TBL1XR1: variants seen among roughly 807,000 people sequenced by gnomAD.
TBL1XR1 encodes the protein F-box-like/WD repeat-containing protein TBL1XR1.
In TBL1XR1, 5 loss-of-function variants were observed where a neutral mutation model predicts 66.9. That is an observed-to-expected ratio of 0.07 (90% CI 0.04 to 0.16). TBL1XR1 has a LOEUF of 0.16. TBL1XR1 is among the 10% of genes least tolerant of loss of function. TBL1XR1 has a pLI of 1.00. For missense variants in TBL1XR1, 238 were observed against 623.2 expected (o/e 0.38, Z 6.58); for synonymous variants, 210 against 206.0 (o/e 1.02, Z -0.17).
intron 1 of TBL1XR1, among the ~76,000 whole-genome samples, chr3:177,183,362 A>C (rs1206931726): frequency 6.6e-6 from 1 of 152,146 alleles, no homozygotes; most frequent in African/African-American, 2.4e-5. Flanking sequence ...ATGTATACAT[A>C]CCCTGTGTTG....
chr3:177,098,558 T>G lies in TBL1XR1; in HGVS notation c.-121-17A>C, dbSNP rs1323219341. On this transcript the variant is annotated splice_polypyrimidine_tract_variant and intron_variant, in intron 1 of 15. Coordinates refer to ENST00000457928, the MANE Select transcript of TBL1XR1 (RefSeq NM_024665.7). ...TTGTTGATGCTGAGGAAAAGGAAAGTAAAGTATTCAATGTGCCCTAAAACA... is the reference window on the plus strand; with the variant it reads ...TTGTTGATGCTGAGGAAAAGGAAAGGAAAGTATTCAATGTGCCCTAAAACA... 8 of 985,012 alleles carry G rather than the reference T, an allele frequency of 8.1e-6. No individual in the cohort carries two copies. The highest frequency in any genetic ancestry group is 9.6e-6 in the Non-Finnish European group (8 of 829,188). 61.0% of individuals were successfully genotyped at this position (985,012 alleles called of 1,614,324 possible). A position where few individuals can be genotyped will look rare whatever the true frequency, so the allele number is the denominator to read the frequency against.
intron 1 of TBL1XR1, among the ~76,000 whole-genome samples, chr3:177,171,150 G>A (rs1395196943): frequency 6.6e-6 from 1 of 151,552 alleles, no homozygotes; most frequent in Non-Finnish European, 1.5e-5. Flanking sequence ...AGACACACCT[G>A]ACCAATATGG....
At chr3:177,027,889 A>C (rs1181194624) in intron 14 of TBL1XR1, 1 of 152,218 alleles carries the variant, frequency 6.6e-6, no homozygotes, top group Non-Finnish European at 1.5e-5. Context: ...TGAGGAGAGA[A>C]AAAAGTAGAA....
At chr3:177,146,087 C>T (rs911468689) in intron 1 of TBL1XR1, among the ~76,000 whole-genome samples, 2 of 152,202 alleles carry the variant, frequency 1.3e-5, no homozygotes, top group Non-Finnish European at 2.9e-5. Flanking sequence ...GTGTTTTAAT[C>T]TTAATGACTA....
intron 1 of TBL1XR1, among the ~76,000 whole-genome samples, chr3:177,107,399 T>C (rs1309572815): frequency 9.2e-5 from 14 of 152,254 alleles, no homozygotes; most frequent in Non-Finnish European, 7.3e-5. Flanking sequence ...CAGCAAATGC[T>C]TTTCCTTCAG....
Position 177,034,230 on chromosome 3 carries a change from A to G in TBL1XR1, c.1218T>C (p.Thr406=). 6.2e-7 allele frequency: 1 copy of G among 1,601,518 alleles called. No individual in the cohort carries two copies. Among genetic ancestry groups the G allele is most frequent in the South Asian group, 1.1e-5 (1 of 87,160 alleles). Residue 406 remains threonine, a synonymous_variant, in exon 13 of 16, where the codon ACT becomes ACC. Transcript: ENST00000457928. ...ACATAAGGTTGGCATTTGGATTATT[A>G]GTCCCTGGTCCTGTTGGACTCCATT... is the stretch of plus-strand genomic sequence containing the variant. ...TIKWSPTGPG[T]NNPNANLMLA... is the part of the protein sequence containing the mutation.
intron 1 of TBL1XR1, among the ~76,000 whole-genome samples, chr3:177,139,629 GT>G (rs1177130070): frequency 6.7e-6 from 1 of 149,268 alleles, no homozygotes; most frequent in Non-Finnish European, 1.5e-5. Context: ...GAATATAAAC[GT>G]TTCCCAGAAA....
In TBL1XR1 at chr3:177,112,087, ATATATATATATATATATATAT is replaced by A. The variant is rs1201360585; in HGVS notation, c.-121-13567_-121-13547del. Among the ~76,000 whole-genome samples, 56 of 42,932 alleles carry A rather than the reference ATATATATATATATATATATAT, an allele frequency of 1.3e-3. 3 individuals carry two copies. Among genetic ancestry groups the A allele is most frequent in the African/African-American group, 8.1e-3 (52 of 6,424 alleles). The allele number at this position is 42,932 out of a possible 152,430, so 28.2% of individuals were successfully genotyped here. A position where few individuals can be genotyped will look rare whatever the true frequency, so the allele number is the denominator to read the frequency against. On this transcript the variant is annotated intron_variant, in intron 1 of 15. Coordinates refer to ENST00000457928, the MANE Select transcript of TBL1XR1 (RefSeq NM_024665.7). ...GATATAAAATCAAATATATATATAT[ATATATATATATATATATATAT>A]TTTTTTTTTTTTTTTTTGTGAGGGG...
intron 1 of TBL1XR1, among the ~76,000 whole-genome samples, chr3:177,155,659 A>G (rs988795881): frequency 6.6e-6 from 1 of 152,244 alleles, no homozygotes; most frequent in East Asian, 1.9e-4. Flanking sequence ...TACGAAAACA[A>G]CTGAATAGTC....
intron 1 of TBL1XR1, among the ~76,000 whole-genome samples, chr3:177,126,744 A>G (rs1577244068): frequency 6.6e-6 from 1 of 152,162 alleles, no homozygotes; most frequent in Non-Finnish European, 1.5e-5. Flanking sequence ...CTCTCCATAA[A>G]TATTCAATAA....
chr3:177,048,163 T>C (rs1017100731), intron 7 of TBL1XR1, among the ~76,000 whole-genome samples: 2 of 152,100 alleles, frequency 1.3e-5, no homozygotes, highest in Non-Finnish European at 2.9e-5. Context: ...GACTTTATAG[T>C]TAATGAAGTA....
intron 1 of TBL1XR1, among the ~76,000 whole-genome samples, chr3:177,106,171 T>TA (rs1408552169): frequency 2.0e-5 from 3 of 151,838 alleles, no homozygotes; most frequent in Non-Finnish European, 4.4e-5. Flanking sequence ...AGAAAATGCA[T>TA]AAAAAACACA....
At chr3:177,151,466 A>G (rs569907983) in intron 1 of TBL1XR1, among the ~76,000 whole-genome samples, 2 of 152,270 alleles carry the variant, frequency 1.3e-5, no homozygotes, top group Non-Finnish European at 1.5e-5. Context: ...CGTGAACCCT[A>G]TTGTGAACTG....
chr3:177,037,212 T>C (rs1714918834), intron 12 of TBL1XR1, among the ~76,000 whole-genome samples: 1 of 152,226 alleles, frequency 6.6e-6, no homozygotes, highest in Non-Finnish European at 1.5e-5. Context: ...AATCCATGAA[T>C]GCTACAAAGA....
rs1714419794 is a variant in TBL1XR1, at chr3:177,034,130, CTGTCA to C, written c.1250+63_1250+67del. ...ACTTCATGAAATCTTCCCTAAACTTCTGTCATATCTATTGGAAGTCTGATTTGTAG... is the reference window on the plus strand; with the variant it reads ...ACTTCATGAAATCTTCCCTAAACTTCTATCTATTGGAAGTCTGATTTGTAG... On this transcript the variant is annotated intron_variant, in intron 13 of 15. Transcript: ENST00000457928. 85 of 1,444,076 alleles carry C rather than the reference CTGTCA, an allele frequency of 5.9e-5. 3 individuals are homozygous for C. In the South Asian group the frequency reaches 1.1e-3, roughly 19 times the overall value. 89.5% of individuals were successfully genotyped at this position (1,444,076 alleles called of 1,614,324 possible).
intron 1 of TBL1XR1, among the ~76,000 whole-genome samples, chr3:177,150,050 ATATT>A (rs1328948732): frequency 6.6e-6 from 1 of 152,186 alleles, no homozygotes; most frequent in Non-Finnish European, 1.5e-5. Flanking sequence ...AATTTATTCA[ATATT>A]TAAACCACAA....
chr3:177,096,893 C>A (rs1723564529), intron 2 of TBL1XR1, among the ~76,000 whole-genome samples: 1 of 152,028 alleles, frequency 6.6e-6, no homozygotes, highest in Non-Finnish European at 1.5e-5. Context: ...TTATTTTCTT[C>A]AACATCTCCT....
chr3:177,105,355 GC>G (rs1376763768), intron 1 of TBL1XR1, among the ~76,000 whole-genome samples: 6 of 152,100 alleles, frequency 3.9e-5, no homozygotes, highest in African/African-American at 1.4e-4. Context: ...AGTGTGGGGG[GC>G]CGAAGGAGGG....
chr3:177,088,828 G>A (rs527553059), intron 2 of TBL1XR1, among the ~76,000 whole-genome samples: 1 of 152,102 alleles, frequency 6.6e-6, no homozygotes, highest in Non-Finnish European at 1.5e-5. Flanking sequence ...AATGAAAATG[G>A]TTCACACAAT....
Sources: allele counts gnomAD v4.1 joint callset (sites outside exome capture counted in the v4.1 genomes callset), GRCh38; gene constraint gnomAD v4.1.1; transcripts MANE v1.5; gene names NCBI Gene and HGNC (gene_info 2026-07-23, HGNC 2026-07-21).